The following TECPR1 variants were observed in gnomAD, a reference collection of about 807,000 sequenced individuals.
The protein encoded by TECPR1 is tectonin beta-propeller repeat containing 1, also known as tectonin beta-propeller repeat-containing protein 1.
In TECPR1, 122 loss-of-function variants were observed where a neutral mutation model predicts 162.4. That is an observed-to-expected ratio of 0.75 (90% CI 0.65 to 0.87). TECPR1 has a LOEUF of 0.87. Among genes scored for constraint, TECPR1 ranks in the 40% least tolerant of loss-of-function variants. The pLI, the probability that TECPR1 is intolerant of heterozygous loss-of-function variation, is 0.00. For missense variants in TECPR1, 1,432 were observed against 1,618.2 expected (o/e 0.88, Z 1.97); for synonymous variants, 642 against 670.6 (o/e 0.96, Z 0.66).
rs146318963 is a variant in TECPR1 at position 98,229,048 on chromosome 7, A to T, written c.2401T>A (p.Cys801Ser). The change falls in exon 16 of 26, where the codon TGC becomes AGC. Residue 801 changes from cysteine (C) to serine (S), a missense_variant. Physicochemically the swap from Cys to Ser is moderately radical, Grantham distance 112. Transcript: ENST00000447648. Reference protein sequence around the residue: ...WVYTGGYGGGCFQGLASSTSN... With the variant: ...WVYTGGYGGGSFQGLASSTSN... ...TGTGGGCCGCCCTCACCTTGGAAGCAGCCGCCTCCATAGCCGCCTGTGTAT... is the reference window on the plus strand; with the variant it reads ...TGTGGGCCGCCCTCACCTTGGAAGCTGCCGCCTCCATAGCCGCCTGTGTAT... 2.9e-4 allele frequency: 460 copies of T among 1,599,374 alleles called. 4 individuals carry two copies. In the East Asian group the frequency reaches 8.0e-3, roughly 28 times the overall value.
At position 98,233,733 on chromosome 7, in the gene TECPR1, C is replaced by G. The variant is rs550913039; in HGVS notation, c.1360G>C (p.Ala454Pro). 6.2e-7 allele frequency: 1 copy of G among 1,612,272 alleles called. No homozygotes were observed. The highest frequency in any genetic ancestry group is 1.3e-5 in the African/African-American group (1 of 74,880). ...SASGLGAGRT[A>P]EDTVEDACPA... The stretch of plus-strand genomic sequence containing the variant: ...CAGGCATCTTCCACGGTATCTTCTG[C>G]GGTCCTGCCAGCCCCCAGGCCTGAG... Residue 454 changes from alanine (A) to proline (P), a missense_variant, in exon 11 of 26, where the codon GCA becomes CCA. By Grantham distance (27) the Ala-to-Pro change is conservative. Transcript: ENST00000447648.
chr7:98,230,949 C>T lies in TECPR1; in HGVS notation c.2282+12G>A, dbSNP rs746841379. The T allele has an allele frequency of 2.4e-5, 38 of 1,606,958 alleles. No individual in the cohort carries two copies. Among genetic ancestry groups the T allele is most frequent in the Admixed American group, 2.0e-4 (12 of 59,416 alleles). ...CAGGCCCCAGACCCCACCCAGAGTG[C>T]GGCTCACTCACATCTGGTCGCAGGG... On this transcript the variant is annotated intron_variant, in intron 15 of 25. Transcript: ENST00000447648.
At chr7:98,219,849 C>A (rs1300040902) in intron 23 of TECPR1, among the ~76,000 whole-genome samples, 1 of 151,584 alleles carries the variant, frequency 6.6e-6, no homozygotes, top group Non-Finnish European at 1.5e-5. Context: ...TGCAGTGAGC[C>A]GAGATCGCAC....
intron 10 of TECPR1, among the ~76,000 whole-genome samples, 175 bp downstream of exon 10, chr7:98,236,601 C>T (rs1260380304): frequency 6.6e-6 from 1 of 151,462 alleles, no homozygotes; most frequent in Non-Finnish European, 1.5e-5. Context: ...TCTGTGGGAC[C>T]GAGGCAGGAG....
In TECPR1 at chr7:98,246,179, A is replaced by G. The variant is rs1452144221; in HGVS notation, c.-19-14T>C. On this transcript the variant is annotated splice_polypyrimidine_tract_variant and intron_variant, in intron 2 of 25. Transcript: ENST00000447648. ...GCTGGAGGTAACCTGCGGCAGGAGG[A>G]CGAGGGCCAGCGTTCAGGCTCCCAG... The G allele has an allele frequency of 3.9e-6, 6 of 1,521,656 alleles. No homozygotes were observed. The highest frequency in any genetic ancestry group is 5.3e-6 in the Non-Finnish European group (6 of 1,125,226). The allele number at this position is 1,521,656 out of a possible 1,614,324, so 94.3% of individuals were successfully genotyped here.
At chr7:98,230,815 G>A (rs1309354857) in intron 15 of TECPR1, 146 bp downstream of exon 15, 11 of 1,106,862 alleles carry the variant, frequency 9.9e-6, no homozygotes, top group Middle Eastern at 6.1e-4. Context: ...GGGACTTGGG[G>A]GCCTGGGAAC....
chr7:98,223,307 TCCCCAC>T, intron 20 of TECPR1, 137 bp from the exon 21 acceptor site: 1 of 782,472 alleles, frequency 1.3e-6, no homozygotes, highest in Non-Finnish European at 2.0e-6. Context: ...GGTGGCCTCC[TCCCCAC>T]CCCCACCCCC....
intron 20 of TECPR1, among the ~76,000 whole-genome samples, 189 bp downstream of exon 20, chr7:98,223,473 C>A (rs561440057): frequency 2.8e-4 from 42 of 152,224 alleles, no homozygotes; most frequent in Non-Finnish European, 4.7e-4. Context: ...CGGGAGCCTG[C>A]GGGCATTTCC....
chr7:98,240,710 C>T (rs921541674), intron 8 of TECPR1, 141 bp downstream of exon 8: 7 of 743,896 alleles, frequency 9.4e-6, no homozygotes, highest in African/African-American at 3.6e-5. Flanking sequence ...CCACTGCACC[C>T]GGCCTGGGTT....
At chr7:98,243,186 T>A (rs1798814295) in intron 6 of TECPR1, among the ~76,000 whole-genome samples, 3 of 141,904 alleles carry the variant, frequency 2.1e-5, no homozygotes, top group Admixed American at 1.4e-4. Context: ...GTGGCACACC[T>A]TCTGTCACCC....
chr7:98,231,325 T>G lies in TECPR1; in HGVS notation c.2023A>C (p.Asn675His), dbSNP rs773380283. The change falls in exon 14 of 26, where the codon AAC becomes CAC. Residue 675 changes from asparagine to histidine, a missense_variant. Asn to His is a moderately conservative substitution (Grantham distance 68, BLOSUM62 1). Transcript: ENST00000447648. ...AGGGCAAAGGAGTGCTTGGTCTCGT[T>G]CAGCACTGGGACCAGCGCCACCACC... is the stretch of plus-strand genomic sequence containing the variant. ...NEVVALVPVL[N>H]ETKHSFALYT... The G allele has an allele frequency of 6.2e-7, 1 of 1,611,540 alleles. No individual in the cohort carries two copies. The highest frequency in any genetic ancestry group is 1.1e-5 in the South Asian group (1 of 90,644).
At chr7:98,249,201 C>G (rs1798998683) in intron 2 of TECPR1, among the ~76,000 whole-genome samples, 1 of 151,966 alleles carries the variant, frequency 6.6e-6, no homozygotes, top group Non-Finnish European at 1.5e-5. Context: ...CTTACAAACA[C>G]CAAGAAGACA....
intron 15 of TECPR1, among the ~76,000 whole-genome samples, chr7:98,229,750 GTCTGAA>G (rs1798373368): frequency 6.6e-6 from 1 of 152,140 alleles, no homozygotes; most frequent in South Asian, 2.1e-4. Context: ...ACCAGAGGCG[GTCTGAA>G]TCCTCTGACA....
intron 23 of TECPR1, 146 bp downstream of exon 23, chr7:98,221,515 G>A: frequency 3.2e-6 from 2 of 627,462 alleles, no homozygotes; most frequent in Non-Finnish European, 5.6e-6. Flanking sequence ...GTCTCACTGT[G>A]TCATGCAGAC....
intron 23 of TECPR1, among the ~76,000 whole-genome samples, 179 bp from the exon 24 acceptor site, chr7:98,218,221 C>A (rs1189511735): frequency 6.6e-6 from 1 of 152,246 alleles, no homozygotes; most frequent in Non-Finnish European, 1.5e-5. Context: ...CTTCTCCACA[C>A]TCAGGAGCCT....
chr7:98,226,957 G>C (rs1798293172), intron 17 of TECPR1, among the ~76,000 whole-genome samples: 1 of 150,780 alleles, frequency 6.6e-6, no homozygotes, highest in African/African-American at 2.4e-5. Context: ...AAAAAACAAA[G>C]AAAAGCAGGA....
chr7:98,244,814 A>G, intron 4 of TECPR1, 71 bp downstream of exon 4: 2 of 1,596,324 alleles, frequency 1.3e-6, no homozygotes, highest in Non-Finnish European at 1.7e-6. Context: ...GGTGCAGGGG[A>G]CAGAAGCAGG....
chr7:98,229,304 C>T lies in TECPR1; in HGVS notation c.2283-138G>A, dbSNP rs554953591. 133 of 1,142,228 alleles carry T rather than the reference C, an allele frequency of 1.2e-4. 1 individual carries two copies. The South Asian group carries it at 1.7e-3, about 14-fold the overall frequency. 70.8% of individuals were successfully genotyped at this position (1,142,228 alleles called of 1,614,324 possible). ...GGTCTCCAAGCACAGACCATCCACC[C>T]TGCCTGACCTCCGCGTTCATATTAA... is the stretch of plus-strand genomic sequence containing the variant. On this transcript the variant is annotated intron_variant, in intron 15 of 25. Transcript: ENST00000447648.
At chr7:98,250,829 T>C (rs1283637564) in intron 2 of TECPR1, 2 of 151,546 alleles carry the variant, frequency 1.3e-5, no homozygotes, top group Non-Finnish European at 2.9e-5. Context: ...GGGCAGTTAA[T>C]GGGAGAAGAC....
Sources: allele counts gnomAD v4.1 joint callset (sites outside exome capture counted in the v4.1 genomes callset), GRCh38; gene constraint gnomAD v4.1.1; transcripts MANE v1.5; gene names NCBI Gene and HGNC (gene_info 2026-07-23, HGNC 2026-07-21).